GRM8: variants seen among roughly 807,000 people sequenced by gnomAD.
The protein encoded by GRM8 is metabotropic glutamate receptor 8.
A neutral mutation model predicts 87.2 loss-of-function variants in GRM8; 47 were observed. That is an observed-to-expected ratio of 0.54 (90% CI 0.43 to 0.69). GRM8 has a LOEUF of 0.69. GRM8 is among the 30% of genes least tolerant of loss of function. The pLI is 0.00. For missense variants in GRM8, 1,019 were observed against 1,139.2 expected, an observed-to-expected ratio of 0.89 and a Z score of 1.52; for synonymous variants, 396 against 404.5, an observed-to-expected ratio of 0.98 and a Z score of 0.25.
chr7:126,620,582 G>C (rs1287142757), intron 7 of GRM8, among the ~76,000 whole-genome samples: 1 of 152,018 alleles, frequency 6.6e-6, no homozygotes, highest in Non-Finnish European at 1.5e-5. Flanking sequence ...GCAGGGACTA[G>C]AGTCTGCTTT....
chr7:126,871,810 T>C (rs1246486054), intron 6 of GRM8, among the ~76,000 whole-genome samples: 1 of 152,198 alleles, frequency 6.6e-6, no homozygotes, highest in African/African-American at 2.4e-5. Flanking sequence ...AATATGAAAT[T>C]AAATCCATCT....
At chr7:127,115,364 C>G (rs1826640910) in intron 2 of GRM8, among the ~76,000 whole-genome samples, 1 of 152,130 alleles carries the variant, frequency 6.6e-6, no homozygotes, top group Non-Finnish European at 1.5e-5. Context: ...TTATATTACT[C>G]TTTCATAATT....
chr7:126,653,640 G>A (rs1234125787), intron 7 of GRM8, among the ~76,000 whole-genome samples: 1 of 152,074 alleles, frequency 6.6e-6, no homozygotes, highest in Non-Finnish European at 1.5e-5. Context: ...AACAAAAAAG[G>A]GATTCTGTTA....
intron 3 of GRM8, among the ~76,000 whole-genome samples, chr7:127,074,787 A>G (rs1477098798): frequency 3.3e-5 from 5 of 152,076 alleles, no homozygotes; most frequent in Non-Finnish European, 7.4e-5. Context: ...TCTTGCTGGC[A>G]CCTCCTCTTG....
chr7:126,765,530 ACTTT>A (rs972888778), intron 7 of GRM8, among the ~76,000 whole-genome samples: 5 of 152,052 alleles, frequency 3.3e-5, no homozygotes, highest in African/African-American at 9.7e-5. Flanking sequence ...TCTATCCAAC[ACTTT>A]CTTTATGATA....
chr7:127,204,745 T>C (rs1194869404), intron 2 of GRM8, among the ~76,000 whole-genome samples: 1 of 152,218 alleles, frequency 6.6e-6, no homozygotes, highest in Non-Finnish European at 1.5e-5. Flanking sequence ...TTCTTTTCAT[T>C]TCTTTGTTAC....
chr7:126,802,344 C>T (rs1173495522), intron 6 of GRM8, among the ~76,000 whole-genome samples: 1 of 152,134 alleles, frequency 6.6e-6, no homozygotes, highest in African/African-American at 2.4e-5. Flanking sequence ...CTCCCTTCTC[C>T]CAGACTCTGG....
At chr7:126,484,670 A>AT (rs536062436) in intron 9 of GRM8, among the ~76,000 whole-genome samples, 128 of 152,028 alleles carry the variant, frequency 8.4e-4, no homozygotes, top group Non-Finnish European at 1.5e-3. Context: ...TAGTACAGTG[A>AT]TTTTTTTTAA....
At chr7:126,956,929 G>T (rs1037582285) in intron 3 of GRM8, among the ~76,000 whole-genome samples, 6 of 152,164 alleles carry the variant, frequency 3.9e-5, no homozygotes, top group African/African-American at 1.2e-4. Context: ...TATAAACACA[G>T]ATGTAGAAAA....
chr7:126,462,948 T>G (rs1377215727), intron 9 of GRM8, among the ~76,000 whole-genome samples: 2 of 151,650 alleles, frequency 1.3e-5, no homozygotes, highest in Admixed American at 1.3e-4. Flanking sequence ...CACCAAAATG[T>G]GTACTCCTTC....
chr7:127,249,069 T>C (rs1281043574), intron 1 of GRM8, among the ~76,000 whole-genome samples: 1 of 152,244 alleles, frequency 6.6e-6, no homozygotes, highest in Admixed American at 6.5e-5. Context: ...CGCTGGGTCA[T>C]GACCACTGGA....
At chr7:126,843,467 C>T (rs1796449376) in intron 6 of GRM8, among the ~76,000 whole-genome samples, 1 of 152,112 alleles carries the variant, frequency 6.6e-6, no homozygotes, top group Non-Finnish European at 1.5e-5. Context: ...CATTTTTAAC[C>T]ATTGACGAAG....
chr7:126,777,486 T>A (rs80278035), intron 6 of GRM8, among the ~76,000 whole-genome samples: 2,796 of 152,200 alleles, frequency 0.018, 95 homozygotes, highest in African/African-American at 0.064. Flanking sequence ...ATTCTTCCAG[T>A]TCAGGTTTAT....
chr7:126,703,882 T>C (rs1810209470), intron 7 of GRM8, among the ~76,000 whole-genome samples: 2 of 152,152 alleles, frequency 1.3e-5, no homozygotes, highest in Non-Finnish European at 2.9e-5. Context: ...CTCTTTCTTA[T>C]GTTGGCTGTT....
intron 9 of GRM8, among the ~76,000 whole-genome samples, chr7:126,493,399 C>T (rs74999840): frequency 0.029 from 4,363 of 151,936 alleles, 80 homozygotes; most frequent in Middle Eastern, 0.048. Context: ...GGTTCTGGCT[C>T]GAAGAAATTG....
At chr7:127,041,117 G>T (rs1180160439) in intron 3 of GRM8, among the ~76,000 whole-genome samples, 2 of 152,178 alleles carry the variant, frequency 1.3e-5, no homozygotes, top group Non-Finnish European at 2.9e-5. Flanking sequence ...CTGTGGTCAG[G>T]CAAGGAGGGG....
chr7:127,040,944 A>G (rs1396857768), intron 3 of GRM8, among the ~76,000 whole-genome samples: 1 of 152,248 alleles, frequency 6.6e-6, no homozygotes, highest in African/African-American at 2.4e-5. Flanking sequence ...CTAATCTGAC[A>G]TGTAAGTCCA....
chr7:126,753,477 C>G (rs1176138742), intron 7 of GRM8, among the ~76,000 whole-genome samples: 1 of 151,570 alleles, frequency 6.6e-6, no homozygotes, highest in Non-Finnish European at 1.5e-5. Flanking sequence ...AATGTATATA[C>G]ACACATACAC....
chr7:126,755,833 GA>G (rs1163474140), intron 7 of GRM8, among the ~76,000 whole-genome samples: 2 of 151,914 alleles, frequency 1.3e-5, no homozygotes, highest in Admixed American at 6.6e-5. Flanking sequence ...ACAGATGTAA[GA>G]ATGCTGTTTC....
Sources: gnomAD v4.1 joint callset for allele counts (sites outside exome capture counted in the v4.1 genomes callset) on GRCh38, gnomAD v4.1.1 for gene constraint, MANE v1.5 for transcripts, NCBI Gene and HGNC (gene_info 2026-07-23, HGNC 2026-07-21) for gene names.